The following CAMK1D variants were observed in gnomAD, a reference collection of about 807,000 sequenced individuals.
CAMK1D encodes the protein calcium/calmodulin-dependent protein kinase type 1D.
Under a neutral mutation model 47.7 loss-of-function variants are expected in CAMK1D, and 9 were observed. That is an observed-to-expected ratio of 0.19 (90% CI 0.11 to 0.33). The LOEUF (loss-of-function observed/expected upper bound fraction) is 0.33. CAMK1D is among the 10% of genes least tolerant of loss of function. The pLI is 1.00. For synonymous variants in CAMK1D, 184 were observed against 184.9 expected, an observed-to-expected ratio of 0.99 and a Z score of 0.04; for missense variants, 291 against 488.7, an observed-to-expected ratio of 0.60 and a Z score of 3.81.
At chr10:12,647,395 T>G (rs1352096582) in intron 2 of CAMK1D, among the ~76,000 whole-genome samples, 2 of 151,816 alleles carry the variant, frequency 1.3e-5, no homozygotes, top group African/African-American at 4.8e-5. Flanking sequence ...GTGACCCACG[T>G]GCCTCGGCCT....
chr10:12,385,599 T>G (rs530241338), intron 1 of CAMK1D, among the ~76,000 whole-genome samples: 5 of 152,146 alleles, frequency 3.3e-5, no homozygotes, highest in Non-Finnish European at 7.4e-5. Flanking sequence ...GGCTGGGGGT[T>G]GGAAGATAGT....
chr10:12,440,527 A>G (rs1342205434), intron 1 of CAMK1D, among the ~76,000 whole-genome samples: 1 of 152,148 alleles, frequency 6.6e-6, no homozygotes, highest in African/African-American at 2.4e-5. Context: ...ACCTCAGGTG[A>G]TCCGCCCACC....
chr10:12,764,409 A>G (rs1836655916), intron 4 of CAMK1D, among the ~76,000 whole-genome samples: 1 of 140,066 alleles, frequency 7.1e-6, no homozygotes, highest in Non-Finnish European at 1.6e-5. Context: ...CATTGATCTA[A>G]ACTGTGAATG....
At chr10:12,365,914 G>A (rs1156931327) in intron 1 of CAMK1D, among the ~76,000 whole-genome samples, 5 of 152,196 alleles carry the variant, frequency 3.3e-5, no homozygotes, top group Admixed American at 3.3e-4. Context: ...AAATTAGCTG[G>A]GCGTGGTGGC....
chr10:12,600,091 T>A (rs180690222), intron 2 of CAMK1D, among the ~76,000 whole-genome samples: 1 of 152,070 alleles, frequency 6.6e-6, no homozygotes, highest in Admixed American at 6.5e-5. Flanking sequence ...GGCAGCAGAG[T>A]GGGACCTTGT....
intron 1 of CAMK1D, among the ~76,000 whole-genome samples, chr10:12,406,671 C>T (rs1200711769): frequency 7.9e-6 from 1 of 125,842 alleles, no homozygotes; most frequent in African/African-American, 3.0e-5. Flanking sequence ...TGCAGTGAGC[C>T]AAGATCACGC....
chr10:12,504,153 T>A (rs76065140), intron 1 of CAMK1D, among the ~76,000 whole-genome samples: 1 of 145,768 alleles, frequency 6.9e-6, no homozygotes. Flanking sequence ...GTGTGTGTGA[T>A]GTATGTAATA....
At chr10:12,433,701 G>A (rs1277614012) in intron 1 of CAMK1D, among the ~76,000 whole-genome samples, 1 of 152,222 alleles carries the variant, frequency 6.6e-6, no homozygotes, top group African/African-American at 2.4e-5. Flanking sequence ...AAACAAACTC[G>A]TGGATTCAGA....
intron 2 of CAMK1D, among the ~76,000 whole-genome samples, chr10:12,637,241 G>A (rs889944023): frequency 6.6e-6 from 1 of 152,078 alleles, no homozygotes; most frequent in Non-Finnish European, 1.5e-5. Context: ...CAAAGTGCCG[G>A]GATTACAGGT....
chr10:12,789,666 A>G (rs2130993505), intron 5 of CAMK1D, among the ~76,000 whole-genome samples: 1 of 152,328 alleles, frequency 6.6e-6, no homozygotes, highest in Admixed American at 6.5e-5. Flanking sequence ...TGGCCAACTT[A>G]CCTGACCTCT....
intron 2 of CAMK1D, among the ~76,000 whole-genome samples, chr10:12,642,857 A>G (rs2132491021): frequency 6.6e-6 from 1 of 152,324 alleles, no homozygotes; most frequent in East Asian, 1.9e-4. Context: ...TTCCCAGTAT[A>G]CTTGAGATAA....
intron 6 of CAMK1D, among the ~76,000 whole-genome samples, chr10:12,795,710 CT>C (rs1224597564): frequency 3.3e-5 from 5 of 152,202 alleles, no homozygotes; most frequent in Admixed American, 6.5e-5. Context: ...GGTGTGCGCC[CT>C]TGATAAATTG....
chr10:12,620,186 CAAAAAAAAAAAAAAAAA>C (rs56027797), intron 2 of CAMK1D, among the ~76,000 whole-genome samples: 3 of 86,590 alleles, frequency 3.5e-5, no homozygotes, highest in African/African-American at 1.0e-4. Context: ...GACTCCGTCT[CAAAAAAAAAAAAAAAAA>C]AAAAAAAAAA....
At chr10:12,715,565 T>C (rs1300588556) in intron 3 of CAMK1D, among the ~76,000 whole-genome samples, 1 of 152,218 alleles carries the variant, frequency 6.6e-6, no homozygotes, top group Non-Finnish European at 1.5e-5. Context: ...TGGGAAAATC[T>C]AGCTTTTGCA....
intron 2 of CAMK1D, among the ~76,000 whole-genome samples, chr10:12,666,203 G>A (rs1840424914): frequency 6.6e-6 from 1 of 152,148 alleles, no homozygotes; most frequent in South Asian, 2.1e-4. Context: ...CCCCAGTGAG[G>A]GAGTCAGGTT....
intron 1 of CAMK1D, among the ~76,000 whole-genome samples, chr10:12,427,700 G>GTTTTTTGTTTTTTTTTTTTTTT (rs1840284197): frequency 6.8e-4 from 21 of 31,040 alleles, no homozygotes; most frequent in Non-Finnish European, 8.0e-4. Context: ...TGAACTTACT[G>GTTTTTTGTTTTTTTTTTTTTTT]TTTTTTTTTT....
intron 1 of CAMK1D, among the ~76,000 whole-genome samples, chr10:12,544,825 T>C: frequency 8.0e-6 from 1 of 125,290 alleles, no homozygotes; most frequent in East Asian, 2.3e-4. Context: ...TGGATAGTAC[T>C]AGTGTTAAGT....
intron 1 of CAMK1D, among the ~76,000 whole-genome samples, chr10:12,363,665 G>GTTTTT (rs1165886868): frequency 8.5e-6 from 1 of 117,106 alleles, no homozygotes; most frequent in Non-Finnish European, 1.7e-5. Context: ...GTTTCCTAAG[G>GTTTTT]TTTTTTTTTT....
In CAMK1D at chr10:12,445,609, A is replaced by G. The variant is rs140639206; in HGVS notation, c.92+95699A>G. Reference sequence around the variant, plus strand: ...GCTTTTTTAGACTGGAAACTTTCCCAAGGCCGTTTTCCCCACCCACTGACT... The same window carrying G: ...GCTTTTTTAGACTGGAAACTTTCCCGAGGCCGTTTTCCCCACCCACTGACT... On this transcript the variant is annotated intron_variant, in intron 1 of 10. Coordinates refer to ENST00000619168, the MANE Select transcript of CAMK1D (RefSeq NM_153498.4). Among the ~76,000 whole-genome samples the G allele has an allele frequency of 6.7e-3, 1,024 of 152,296 alleles. 16 individuals are homozygous for G. The highest frequency in any genetic ancestry group is 0.023 in the African/African-American group (969 of 41,564).
Sources: gnomAD v4.1 joint callset for allele counts (sites outside exome capture counted in the v4.1 genomes callset) on GRCh38, gnomAD v4.1.1 for gene constraint, MANE v1.5 for transcripts, NCBI Gene and HGNC (gene_info 2026-07-23, HGNC 2026-07-21) for gene names.